Variants in CHSY3 observed in about 807,000 individuals in gnomAD.
The protein encoded by CHSY3 is chondroitin sulfate synthase 3.
CHSY3 carries 35 observed loss-of-function variants against 67.2 expected under a neutral mutation model. The ratio of observed to expected loss-of-function variants is 0.52; its 90% CI spans 0.40 to 0.69. The LOEUF (loss-of-function observed/expected upper bound fraction) is 0.69. CHSY3 is among the 30% of genes least tolerant of loss of function. The pLI is 0.00. For missense variants in CHSY3, 1,069 were observed against 1,138.5 expected (o/e 0.94, Z 0.88); for synonymous variants, 474 against 434.7 (o/e 1.09, Z -1.12).
chr5:129,926,776 T>G (rs1761126345), intron 2 of CHSY3, among the ~76,000 whole-genome samples: 1 of 151,910 alleles, frequency 6.6e-6, no homozygotes, highest in Non-Finnish European at 1.5e-5. Flanking sequence ...TTTGTTTGTG[T>G]TTTTTCCATT....
chr5:130,134,843 A>AC (rs10640526), intron 2 of CHSY3, among the ~76,000 whole-genome samples: 8,574 of 146,150 alleles, frequency 0.059, 318 homozygotes, highest in Non-Finnish European at 0.08. Context: ...TTTACTTCCC[A>AC]CCCCCCCCAA....
rs565285437 is a variant in CHSY3 at position 130,003,763 on chromosome 5, G to T, written c.1086+95403G>T. Among the ~76,000 whole-genome samples, 13 of 152,260 alleles carry T rather than the reference G, an allele frequency of 8.5e-5. No individual in the cohort carries two copies. In the South Asian group the frequency reaches 2.7e-3, roughly 32 times the overall value. On this transcript the variant is annotated intron_variant, in intron 2 of 2. Coordinates refer to ENST00000305031, the MANE Select transcript of CHSY3 (RefSeq NM_175856.5). ...CTATCTAGTTTTCTCGAAATTTTCT[G>T]TTATGAGGGCATTGAAGTATATGAC...
chr5:129,976,612 G>C (rs1355421709), intron 2 of CHSY3, among the ~76,000 whole-genome samples: 1 of 151,906 alleles, frequency 6.6e-6, no homozygotes, highest in Non-Finnish European at 1.5e-5. Context: ...ATTTAATATA[G>C]AACTTCCTGA....
rs1445082364 is a variant in CHSY3 at position 129,905,472 on chromosome 5, G to A, written c.643G>A (p.Gly215Ser). Residue 215 changes from glycine (G) to serine (S), a missense_variant, in exon 1 of 3, where the codon GGC becomes AGC. Gly to Ser is a moderately conservative substitution (Grantham distance 56). This residue lies in a region of CHSY3 where 216 missense variants were observed against 311.5 expected (regional missense o/e 0.69). Coordinates refer to ENST00000305031, the MANE Select transcript of CHSY3 (RefSeq NM_175856.5). ...TTCCAGCCAGCAGCCCCCCAACGCC[G>A]GCCAGCCCCCGCCACCCCTGCCTGT... ...FFSSQQPPNA[G>S]QPPPPLPVIA... The A allele has an allele frequency of 6.2e-7, 1 of 1,612,732 alleles. No individual in the cohort carries two copies. The highest frequency in any genetic ancestry group is 1.1e-5 in the South Asian group (1 of 91,080).
chr5:129,930,863 T>C (rs943076614), intron 2 of CHSY3, among the ~76,000 whole-genome samples: 2 of 152,146 alleles, frequency 1.3e-5, no homozygotes, highest in Admixed American at 1.3e-4. Context: ...CCAATTAAAG[T>C]AACATCTTAG....
At chr5:130,021,121 T>C (rs1211774645) in intron 2 of CHSY3, among the ~76,000 whole-genome samples, 1 of 152,212 alleles carries the variant, frequency 6.6e-6, no homozygotes, top group Non-Finnish European at 1.5e-5. Context: ...TAGCATCTTC[T>C]CTCATATTTT....
chr5:130,107,058 AGTTT>A (rs1767432590), intron 2 of CHSY3, among the ~76,000 whole-genome samples: 1 of 151,362 alleles, frequency 6.6e-6, no homozygotes, highest in African/African-American at 2.4e-5. Context: ...TGAGAATCTT[AGTTT>A]GTTTACTAAA....
chr5:130,009,696 CA>C (rs1315328007), intron 2 of CHSY3, among the ~76,000 whole-genome samples: 2 of 152,062 alleles, frequency 1.3e-5, no homozygotes, highest in African/African-American at 4.8e-5. Flanking sequence ...CACAGAGTGG[CA>C]AGTTGGATAA....
chr5:130,131,103 A>T (rs1385699036), intron 2 of CHSY3, among the ~76,000 whole-genome samples: 3 of 152,174 alleles, frequency 2.0e-5, no homozygotes, highest in Non-Finnish European at 4.4e-5. Context: ...CCCAGAAAGG[A>T]CTGAACTAAA....
rs776802762 is a variant in CHSY3 at position 130,185,154 on chromosome 5, T to C, written c.2012T>C (p.Ile671Thr). Residue 671 changes from isoleucine (I) to threonine (T), a missense_variant, in exon 3 of 3, where the codon ATT becomes ACT. This residue lies in a region of CHSY3 where 401 missense variants were observed against 395.2 expected (regional missense o/e 1.01). Transcript: ENST00000305031. ...RDSGQDSSKH[I>T]ELIKGYQNKY... ...TCTGGCCAAGACTCCAGCAAGCATA[T>C]TGAGCTGATAAAAGGGTACCAGAAC... 1.9e-6 allele frequency: 3 copies of C among 1,605,216 alleles called. No individual in the cohort carries two copies. The highest frequency in any genetic ancestry group is 2.2e-5 in the East Asian group (1 of 44,832).
chr5:129,962,165 C>A (rs1762343359), intron 2 of CHSY3, among the ~76,000 whole-genome samples: 2 of 151,974 alleles, frequency 1.3e-5, no homozygotes, highest in African/African-American at 4.8e-5. Flanking sequence ...AAGAATCATT[C>A]CAATCAAGAC....
chr5:129,924,226 T>C (rs1306080977), intron 2 of CHSY3, among the ~76,000 whole-genome samples: 1 of 152,122 alleles, frequency 6.6e-6, no homozygotes, highest in Non-Finnish European at 1.5e-5. Context: ...CTAACCACTC[T>C]TTTTTATATT....
intron 2 of CHSY3, among the ~76,000 whole-genome samples, chr5:130,006,495 G>A (rs1178765072): frequency 1.3e-5 from 2 of 152,114 alleles, no homozygotes; most frequent in African/African-American, 4.8e-5. Flanking sequence ...GTTTCAAAAT[G>A]CCTTATAAAA....
intron 2 of CHSY3, among the ~76,000 whole-genome samples, chr5:129,988,324 T>C (rs1763263285): frequency 6.6e-6 from 1 of 152,334 alleles, no homozygotes; most frequent in East Asian, 1.9e-4. Flanking sequence ...GCATAGCTCA[T>C]TCATCTAAAA....
At chr5:130,177,219 A>ATGTG (rs200766579) in intron 2 of CHSY3, among the ~76,000 whole-genome samples, 4 of 150,836 alleles carry the variant, frequency 2.7e-5, no homozygotes, top group Non-Finnish European at 5.9e-5. Flanking sequence ...GTGTATATAT[A>ATGTG]TGTGTGTGTG....
At chr5:129,912,718 T>A (rs1377939981) in intron 2 of CHSY3, among the ~76,000 whole-genome samples, 1 of 152,194 alleles carries the variant, frequency 6.6e-6, no homozygotes, top group African/African-American at 2.4e-5. Flanking sequence ...CCACAGTAGA[T>A]CACAGTTAGG....
intron 2 of CHSY3, among the ~76,000 whole-genome samples, chr5:130,109,213 A>G (rs925265711): frequency 2.0e-5 from 3 of 151,818 alleles, no homozygotes; most frequent in African/African-American, 7.2e-5. Flanking sequence ...GTAACTTAGA[A>G]ATCTTTGTTG....
At chr5:129,986,057 A>G (rs2149626440) in intron 2 of CHSY3, among the ~76,000 whole-genome samples, 1 of 152,232 alleles carries the variant, frequency 6.6e-6, no homozygotes, top group Non-Finnish European at 1.5e-5. Flanking sequence ...GACTTCCAGT[A>G]CTATGTTGAA....
At chr5:129,924,052 C>T (rs1003740385) in intron 2 of CHSY3, among the ~76,000 whole-genome samples, 4 of 152,108 alleles carry the variant, frequency 2.6e-5, no homozygotes, top group Non-Finnish European at 4.4e-5. Context: ...ATTTATTAAA[C>T]TTAGTAATTT....
Sources: gnomAD v4.1 joint callset for allele counts (sites outside exome capture counted in the v4.1 genomes callset) on GRCh38, gnomAD v4.1.1 for gene constraint, gnomAD v4.1.1 regional missense constraint, MANE v1.5 for transcripts, NCBI Gene and HGNC (gene_info 2026-07-23, HGNC 2026-07-21) for gene names.